CCDC149: variants seen among roughly 807,000 people sequenced by gnomAD.
CCDC149 encodes coiled-coil domain containing 149.
Under a neutral mutation model 59.9 loss-of-function variants are expected in CCDC149, and 45 were observed. The ratio of observed to expected loss-of-function variants is 0.75; its 90% CI spans 0.59 to 0.96. CCDC149 has a LOEUF of 0.96. CCDC149 is among the 40% of genes least tolerant of loss of function. CCDC149 has a pLI of 0.00. For synonymous variants in CCDC149, 245 were observed against 260.6 expected, an observed-to-expected ratio of 0.94 and a Z score of 0.58; for missense variants, 584 against 664.7, an observed-to-expected ratio of 0.88 and a Z score of 1.33.
chr4:24,966,654 G>T (rs937829545), intron 1 of CCDC149, among the ~76,000 whole-genome samples: 1 of 152,216 alleles, frequency 6.6e-6, no homozygotes, highest in Admixed American at 6.5e-5. Context: ...AAATCGGTAA[G>T]CAGTTCAATG....
intron 2 of CCDC149, among the ~76,000 whole-genome samples, chr4:24,876,332 C>G (rs1287914759): frequency 1.2e-4 from 15 of 125,118 alleles, no homozygotes; most frequent in African/African-American, 3.8e-4. Context: ...CACACACACA[C>G]ACACACACAG....
At chr4:24,826,616 C>T (rs779221130) in intron 9 of CCDC149, among the ~76,000 whole-genome samples, 84 of 152,258 alleles carry the variant, frequency 5.5e-4, no homozygotes, top group Non-Finnish European at 1.1e-3. Flanking sequence ...CAGAGGAGAG[C>T]CAGGACAATG....
intron 1 of CCDC149, among the ~76,000 whole-genome samples, chr4:24,920,986 A>G (rs1722267294): frequency 6.6e-6 from 1 of 152,222 alleles, no homozygotes; most frequent in Non-Finnish European, 1.5e-5. Context: ...TGAGACCCTG[A>G]AAGTGCCTCA....
chr4:24,908,560 C>T (rs984450175), intron 1 of CCDC149, among the ~76,000 whole-genome samples: 16 of 149,904 alleles, frequency 1.1e-4, no homozygotes, highest in South Asian at 2.1e-4. Flanking sequence ...ATTGGCTGGG[C>T]ATGGTGGCAC....
intron 10 of CCDC149, among the ~76,000 whole-genome samples, chr4:24,821,953 G>A (rs1715431531): frequency 6.6e-6 from 1 of 152,190 alleles, no homozygotes; most frequent in Non-Finnish European, 1.5e-5. Context: ...AGAGAAGGAG[G>A]TGGTGGAGTA....
intron 12 of CCDC149, among the ~76,000 whole-genome samples, chr4:24,818,249 C>T (rs1280084386): frequency 6.6e-6 from 1 of 151,566 alleles, no homozygotes; most frequent in Non-Finnish European, 1.5e-5. Context: ...GAGAGGGTGA[C>T]AAAAAAAGAA....
At chr4:24,976,798 G>A (rs996447488) in intron 1 of CCDC149, among the ~76,000 whole-genome samples, 2 of 152,292 alleles carry the variant, frequency 1.3e-5, no homozygotes, top group Admixed American at 6.5e-5. Context: ...GTTCCCAGAA[G>A]TGTTGTCAGG....
At chr4:24,884,485 T>C (rs1720040494) in intron 1 of CCDC149, among the ~76,000 whole-genome samples, 1 of 152,246 alleles carries the variant, frequency 6.6e-6, no homozygotes, top group Non-Finnish European at 1.5e-5. Flanking sequence ...TGCATGGGTA[T>C]AGCTAATAGA....
At chr4:24,948,987 C>A (rs747507204) in intron 1 of CCDC149, among the ~76,000 whole-genome samples, 3 of 152,214 alleles carry the variant, frequency 2.0e-5, no homozygotes, top group East Asian at 1.9e-4. Context: ...TCCCCAGCCA[C>A]GTGAAACTGT....
chr4:24,974,642 C>T (rs1417322924), intron 1 of CCDC149, among the ~76,000 whole-genome samples: 4 of 152,190 alleles, frequency 2.6e-5, no homozygotes, highest in African/African-American at 9.7e-5. Context: ...ATGTCCTATT[C>T]ATCTCTACAC....
chr4:24,900,984 T>C (rs939867150), intron 1 of CCDC149, among the ~76,000 whole-genome samples: 2 of 152,184 alleles, frequency 1.3e-5, no homozygotes, highest in Non-Finnish European at 2.9e-5. Context: ...GAACACCAGG[T>C]GATGGGGAGC....
At chr4:24,884,212 G>A (rs1264028787) in intron 1 of CCDC149, among the ~76,000 whole-genome samples, 1 of 152,014 alleles carries the variant, frequency 6.6e-6, no homozygotes, top group Non-Finnish European at 1.5e-5. Flanking sequence ...AGATTATGTG[G>A]CCATATTTTC....
At chr4:24,839,637 A>C (rs959124337) in intron 4 of CCDC149, among the ~76,000 whole-genome samples, 8 of 152,200 alleles carry the variant, frequency 5.3e-5, no homozygotes, top group African/African-American at 1.7e-4. Flanking sequence ...CTCCAGAGCC[A>C]AGACCCACCT....
chr4:24,974,657 C>A (rs1431481816), intron 1 of CCDC149, among the ~76,000 whole-genome samples: 2 of 152,236 alleles, frequency 1.3e-5, no homozygotes, highest in Non-Finnish European at 2.9e-5. Context: ...CTACACCCCC[C>A]ACACCAGTCT....
At chr4:24,887,340 C>T (rs55646549) in intron 1 of CCDC149, among the ~76,000 whole-genome samples, 4 of 152,090 alleles carry the variant, frequency 2.6e-5, no homozygotes, top group East Asian at 1.9e-4. Context: ...TGGTCCTTCG[C>T]GATTTTTACT....
chr4:24,936,784 G>T (rs981622485), intron 1 of CCDC149, among the ~76,000 whole-genome samples: 9 of 152,204 alleles, frequency 5.9e-5, no homozygotes, highest in Non-Finnish European at 1.3e-4. Flanking sequence ...AGTGGGAAAG[G>T]TTGGCAGCTT....
chr4:24,810,315 A>G (rs1714514380), intron 12 of CCDC149, among the ~76,000 whole-genome samples: 1 of 152,256 alleles, frequency 6.6e-6, no homozygotes, highest in Non-Finnish European at 1.5e-5. Flanking sequence ...TCTTTTATAA[A>G]TGGAAGTATA....
At chr4:24,935,676 G>T (rs1349107581) in intron 1 of CCDC149, among the ~76,000 whole-genome samples, 1 of 152,164 alleles carries the variant, frequency 6.6e-6, no homozygotes, top group Admixed American at 6.5e-5. Flanking sequence ...GCAGGGCATT[G>T]CCTGTGGATT....
chr4:24,900,339 C>T (rs922848833), intron 1 of CCDC149, among the ~76,000 whole-genome samples: 7 of 152,224 alleles, frequency 4.6e-5, no homozygotes, highest in African/African-American at 1.7e-4. Context: ...ACAATGGTGG[C>T]TCTCTCCTGA....
Sources: gnomAD v4.1 joint callset for allele counts (sites outside exome capture counted in the v4.1 genomes callset) on GRCh38, gnomAD v4.1.1 for gene constraint, MANE v1.5 for transcripts, NCBI Gene and HGNC (gene_info 2026-07-23, HGNC 2026-07-21) for gene names.